Variants in MXD1 observed in about 807,000 individuals in gnomAD.
The protein encoded by MXD1 is MAX dimerization protein 1, also known as MAX-binding protein.
Under a neutral mutation model 25.7 loss-of-function variants are expected in MXD1, and 9 were observed. That is an observed-to-expected ratio of 0.35 (90% CI 0.21 to 0.61). MXD1 has a LOEUF of 0.61. MXD1 is among the 20% of genes least tolerant of loss of function. The pLI, the probability that MXD1 is intolerant of heterozygous loss-of-function variation, is 0.75. For missense variants in MXD1, 227 were observed against 292.4 expected, an observed-to-expected ratio of 0.78 and a Z score of 1.63; for synonymous variants, 99 against 113.9, an observed-to-expected ratio of 0.87 and a Z score of 0.83.
intron 2 of MXD1, among the ~76,000 whole-genome samples, chr2:69,916,964 T>C (rs1184148726): frequency 6.6e-6 from 1 of 152,228 alleles, no homozygotes; most frequent in Non-Finnish European, 1.5e-5. Flanking sequence ...TCCATCAATG[T>C]TGCTGCCCGT....
At chr2:69,932,283 A>G (rs998572575) in intron 3 of MXD1, among the ~76,000 whole-genome samples, 4 of 152,178 alleles carry the variant, frequency 2.6e-5, no homozygotes, top group African/African-American at 9.7e-5. Context: ...GGAGCTGTAC[A>G]TAACAGAGGG....
In MXD1 at chr2:69,938,834, G is replaced by A. The variant is rs7349311; in HGVS notation, c.*550G>A. ...CTCTAGAAAACACGCCCTTCACACC[G>A]CGCATGCTCATTCCCCCGACGCGCC... On this transcript the variant is annotated 3_prime_UTR_variant, in exon 6 of 6. Coordinates refer to ENST00000264444, the MANE Select transcript of MXD1 (RefSeq NM_002357.4). The A allele has an allele frequency of 0.13, 19,353 of 153,070 alleles. 1,537 individuals are homozygous for A. Among genetic ancestry groups the A allele is most frequent in the Non-Finnish European group, 0.18 (12,388 of 68,454 alleles). 9.5% of individuals were successfully genotyped at this position (153,070 alleles called of 1,614,324 possible).
At position 69,937,273 on chromosome 2, in the gene MXD1, C is replaced by A. The variant is rs141349752; in HGVS notation, c.357C>A (p.Ile119=). ...EDCDRKAVHQ[I]DQLQREQRHL... ...GTGACAGAAAAGCCGTTCACCAAAT[C>A]GACCAGCTTCAGCGAGAGCAGCGAC... The change falls in exon 5 of 6, where the codon ATC becomes ATA. Residue 119 remains isoleucine, a synonymous_variant. Transcript: ENST00000264444. 1.2e-6 allele frequency: 2 copies of A among 1,614,004 alleles called. No individual in the cohort carries two copies. Among genetic ancestry groups the A allele is most frequent in the Non-Finnish European group, 1.7e-6 (2 of 1,179,976 alleles).
intron 3 of MXD1, among the ~76,000 whole-genome samples, chr2:69,928,078 CA>C: frequency 6.6e-6 from 1 of 152,002 alleles, no homozygotes; most frequent in South Asian, 2.1e-4. Context: ...ATTAATTTTA[CA>C]AGTCCCATTA....
intron 3 of MXD1, 137 bp downstream of exon 3, chr2:69,921,902 C>T: frequency 1.4e-6 from 1 of 733,474 alleles, no homozygotes; most frequent in Middle Eastern, 2.5e-4. Context: ...GCCCTCTAAG[C>T]AGCATCGCTC....
At chr2:69,937,208 C>CGAT in intron 4 of MXD1, 27 bp from the exon 5 acceptor site, 1 of 1,610,562 alleles carries the variant, frequency 6.2e-7, no homozygotes, top group Non-Finnish European at 8.5e-7. Flanking sequence ...CCCTGTGGGG[C>CGAT]CCAACAACTA....
At chr2:69,938,037 A>G (rs779100695) in intron 5 of MXD1, 60 bp from the exon 6 acceptor site, 10 of 1,531,802 alleles carry the variant, frequency 6.5e-6, no homozygotes, top group South Asian at 4.8e-5. Flanking sequence ...ATGAGCCACC[A>G]CGCCTGAGCT....
At chr2:69,920,261 C>CAGAT (rs1336156836) in intron 2 of MXD1, among the ~76,000 whole-genome samples, 2 of 152,212 alleles carry the variant, frequency 1.3e-5, no homozygotes, top group Admixed American at 1.3e-4. Flanking sequence ...GTTGGGCTTA[C>CAGAT]AGATGTGAAC....
rs1018601984 is a variant in MXD1 at position 69,915,116 on chromosome 2, T to C, written c.-215T>C. 2 of 409,070 alleles carry C rather than the reference T, an allele frequency of 4.9e-6. No individual in the cohort carries two copies. Among genetic ancestry groups the C allele is most frequent in the Non-Finnish European group, 4.3e-6 (1 of 233,232 alleles). The allele number at this position is 409,070 out of a possible 1,614,324, so 25.3% of individuals were successfully genotyped here. On this transcript the variant is annotated 5_prime_UTR_variant, in exon 1 of 6. Coordinates refer to ENST00000264444, the MANE Select transcript of MXD1 (RefSeq NM_002357.4). The surrounding 1 kb of genome is among the most constrained non-coding windows in gnomAD (Gnocchi z 5.8). ...GCGGCGGTGGCGGCTGCTGCTCTGC[T>C]CCGGGTTCTGTCACTGTGTCGGCGG...
Position 69,938,085 on chromosome 2 carries a change from T to G in MXD1, c.479-12T>G. On this transcript the variant is annotated splice_polypyrimidine_tract_variant and intron_variant, in intron 5 of 5. Coordinates refer to ENST00000264444, the MANE Select transcript of MXD1 (RefSeq NM_002357.4). The stretch of plus-strand genomic sequence containing the variant: ...CTTTCATCAATGTCCTTCTCTCTTG[T>G]CCTCCCTGCAGAAGAAATCGACGTT... The G allele has an allele frequency of 6.2e-7, 1 of 1,612,562 alleles. No homozygotes were observed. The highest frequency in any genetic ancestry group is 1.1e-5 in the South Asian group (1 of 91,016).
intron 3 of MXD1, among the ~76,000 whole-genome samples, chr2:69,932,371 C>T (rs757421018): frequency 2.9e-4 from 44 of 152,208 alleles, no homozygotes; most frequent in South Asian, 2.1e-3. Flanking sequence ...TAATATATTT[C>T]ATTGCTCTCC....
chr2:69,927,053 T>A (rs1677184602), intron 3 of MXD1, among the ~76,000 whole-genome samples: 1 of 152,224 alleles, frequency 6.6e-6, no homozygotes, highest in Non-Finnish European at 1.5e-5. Context: ...TGGGGAAGAC[T>A]CTGCAGCCCA....
At chr2:69,927,430 G>A (rs1011222636) in intron 3 of MXD1, among the ~76,000 whole-genome samples, 5 of 152,280 alleles carry the variant, frequency 3.3e-5, no homozygotes, top group African/African-American at 1.2e-4. Flanking sequence ...AATCTATATT[G>A]ATGGTCTGGA....
chr2:69,942,755 A>G lies in MXD1; in HGVS notation c.*4471A>G, dbSNP rs1677640179. 1 of 152,200 alleles carries G rather than the reference A, an allele frequency of 6.6e-6. No individual in the cohort carries two copies. The highest frequency in any genetic ancestry group is 6.5e-5 in the Admixed American group (1 of 15,278). The allele number at this position is 152,200 out of a possible 1,614,324, so 9.4% of individuals were successfully genotyped here. A position where few individuals can be genotyped will look rare whatever the true frequency, so the allele number is the denominator to read the frequency against. The stretch of plus-strand genomic sequence containing the variant: ...TGAAAGGGTATGCTATTCTGTTTCC[A>G]GATGTTTCTTTATGTAAATATGACG... On this transcript the variant is annotated 3_prime_UTR_variant, in exon 6 of 6. Coordinates refer to ENST00000264444, the MANE Select transcript of MXD1 (RefSeq NM_002357.4).
chr2:69,937,783 T>A (rs1212945346), intron 5 of MXD1, among the ~76,000 whole-genome samples: 1 of 152,006 alleles, frequency 6.6e-6, no homozygotes, highest in Non-Finnish European at 1.5e-5. Flanking sequence ...CCTGGCAAAT[T>A]TTCCTATTTT....
chr2:69,918,869 G>T (rs1573399370), intron 2 of MXD1, among the ~76,000 whole-genome samples: 2 of 152,244 alleles, frequency 1.3e-5, no homozygotes, highest in South Asian at 4.1e-4. Context: ...AAACGTAAAT[G>T]TTTACCCATC....
chr2:69,923,465 TG>T, intron 3 of MXD1, among the ~76,000 whole-genome samples: 1 of 152,324 alleles, frequency 6.6e-6, no homozygotes, highest in East Asian at 1.9e-4. Context: ...AGCCTGACTC[TG>T]AAAGTCAGGA....
In MXD1 at chr2:69,937,328, A is replaced by G; in HGVS notation, c.412A>G (p.Ile138Val). The G allele has an allele frequency of 6.2e-7, 1 of 1,614,188 alleles. No homozygotes were observed. The highest frequency in any genetic ancestry group is 8.5e-7 in the Non-Finnish European group (1 of 1,180,026). The change falls in exon 5 of 6, where the codon ATT becomes GTT. Residue 138 changes from isoleucine to valine, a missense_variant. Physicochemically the swap from Ile to Val is conservative, Grantham distance 29. Coordinates refer to ENST00000264444, the MANE Select transcript of MXD1 (RefSeq NM_002357.4). ...GAAGAGGCAGCTGGAGAAGCTGGGCATTGAGAGGATCCGGATGGACAGCAT... is the reference window on the plus strand; with the variant it reads ...GAAGAGGCAGCTGGAGAAGCTGGGCGTTGAGAGGATCCGGATGGACAGCAT... ...HLKRQLEKLG[I>V]ERIRMDSIGS...
At chr2:69,920,250 T>C (rs953656542) in intron 2 of MXD1, among the ~76,000 whole-genome samples, 2 of 152,198 alleles carry the variant, frequency 1.3e-5, no homozygotes, top group African/African-American at 4.8e-5. Context: ...CCTCCCAAAG[T>C]GTTGGGCTTA....
Sources: allele counts gnomAD v4.1 joint callset (sites outside exome capture counted in the v4.1 genomes callset), GRCh38; gene constraint gnomAD v4.1.1; non-coding constraint Gnocchi (gnomAD v3.1); transcripts MANE v1.5; gene names NCBI Gene and HGNC (gene_info 2026-07-23, HGNC 2026-07-21).